PLG: variants seen among roughly 807,000 people sequenced by gnomAD.
PLG encodes the protein plasmin.
Under a neutral mutation model 104.4 loss-of-function variants are expected in PLG, and 41 were observed. The ratio of observed to expected loss-of-function variants is 0.39; its 90% confidence interval spans 0.31 to 0.51. PLG has a LOEUF of 0.51. PLG is among the 20% of genes least tolerant of loss of function. The pLI, the probability that PLG is intolerant of heterozygous loss-of-function variation, is 0.76. For missense variants in PLG, 891 were observed against 1,003.6 expected, an observed-to-expected ratio of 0.89 and a Z score of 1.52; for synonymous variants, 337 against 357.1, an observed-to-expected ratio of 0.94 and a Z score of 0.63.
chr6:160,736,913 C>A lies in PLG; in HGVS notation c.1708C>A (p.Pro570Thr). ...GGCCCCTTCATTTGATTGTGGGAAG[C>A]CTCAAGTGGAGCCGAAGAAATGTCC... Reference protein sequence around the residue: ...CAAPSFDCGKPQVEPKKCPGR... With the variant: ...CAAPSFDCGKTQVEPKKCPGR... Residue 570 changes from proline (P) to threonine (T), a missense_variant, in exon 14 of 19, where the codon CCT (proline) becomes ACT (threonine). Pro to Thr is a conservative substitution (Grantham distance 38). Transcript: ENST00000308192. This position sits in a 1 kb window ranked among gnomAD's most constrained non-coding sequence, Gnocchi z 5.2. The A allele has an allele frequency of 6.2e-7, 1 of 1,613,984 alleles. No homozygotes were observed. Among genetic ancestry groups the A allele is most frequent in the Non-Finnish European group, 8.5e-7 (1 of 1,179,928 alleles).
At chr6:160,708,699 T>A (rs1227151134) in intron 3 of PLG, 1 of 152,238 alleles carries the variant, frequency 6.6e-6, no homozygotes, top group Admixed American at 6.5e-5. Context: ...TTCTTGAGGA[T>A]GATTTGCCAT....
rs921571567 is a variant in PLG, at chr6:160,723,350, A to G, written c.1256+783A>G. On this transcript the variant is annotated intron_variant, in intron 10 of 18. Coordinates refer to ENST00000308192, the MANE Select transcript of PLG (RefSeq NM_000301.5). This position sits in a 1 kb window ranked among gnomAD's most constrained non-coding sequence, Gnocchi z 4.7. Reference sequence around the variant, plus strand: ...GTCTAACAAGGACAGCTTTTCTTCCATAAATGAGTACACAATATATGGAAA... The same window carrying G: ...GTCTAACAAGGACAGCTTTTCTTCCGTAAATGAGTACACAATATATGGAAA... 2.1e-4 allele frequency among the ~76,000 whole-genome samples: 32 copies of G among 152,306 alleles called. No homozygotes were observed. Among genetic ancestry groups the G allele is most frequent in the Admixed American group, 4.6e-4 (7 of 15,304 alleles).
chr6:160,752,161 T>C lies in PLG; in HGVS notation c.2172T>C (p.Ile724=). ...GLLKEAQLPV[I]ENKVCNRYEF... ...TCAAGGAAGCCCAGCTCCCTGTGAT[T>C]GAGAATAAAGTGTGCAATCGCTATG... Residue 724 remains isoleucine, a synonymous_variant, in exon 18 of 19, where the codon ATT becomes ATC. Coordinates refer to ENST00000308192, the MANE Select transcript of PLG (RefSeq NM_000301.5). The surrounding 1 kb of genome is among the most constrained non-coding windows in gnomAD (Gnocchi z 4.7). 4.3e-6 allele frequency: 7 copies of C among 1,610,642 alleles called. No homozygotes were observed. Among genetic ancestry groups the C allele is most frequent in the Non-Finnish European group, 5.9e-6 (7 of 1,176,812 alleles).
intron 1 of PLG, among the ~76,000 whole-genome samples, chr6:160,703,189 C>T (rs1209516246): frequency 1.3e-5 from 2 of 151,742 alleles, no homozygotes; most frequent in East Asian, 1.9e-4. Flanking sequence ...CAGAAGGAAT[C>T]TAGGGCTCTT....
At chr6:160,751,051 A>T (rs1312284604) in intron 17 of PLG, among the ~76,000 whole-genome samples, 1 of 152,242 alleles carries the variant, frequency 6.6e-6, no homozygotes, top group Non-Finnish European at 1.5e-5. Context: ...CTATTAGATT[A>T]GCTAATATTT....
chr6:160,752,756 C>T lies in PLG; in HGVS notation c.2272-144C>T. 1 of 1,005,718 alleles carries T rather than the reference C, an allele frequency of 9.9e-7. No homozygotes were observed. The highest frequency in any genetic ancestry group is 1.5e-6 in the Non-Finnish European group (1 of 646,144). The allele number at this position is 1,005,718 out of a possible 1,614,324, so 62.3% of individuals were successfully genotyped here. A position where few individuals can be genotyped will look rare whatever the true frequency, so the allele number is the denominator to read the frequency against. On this transcript the variant is annotated intron_variant, in intron 18 of 18. Coordinates refer to ENST00000308192, the MANE Select transcript of PLG (RefSeq NM_000301.5). This position sits in a 1 kb window ranked among gnomAD's most constrained non-coding sequence, Gnocchi z 4.7. ...GATTTTGCTAAGTACTTAAGCACTG[C>T]AGATGCTTGAGTAATATGCTCATAA...
rs965398098 is a variant in PLG, at chr6:160,741,527, C to A, written c.2125+110C>A. The A allele has an allele frequency of 1.4e-5, 11 of 773,706 alleles. No homozygotes were observed. Among genetic ancestry groups the A allele is most frequent in the Non-Finnish European group, 2.5e-5 (11 of 437,472 alleles). 47.9% of individuals were successfully genotyped at this position (773,706 alleles called of 1,614,324 possible). On this transcript the variant is annotated intron_variant, in intron 17 of 18. Coordinates refer to ENST00000308192, the MANE Select transcript of PLG (RefSeq NM_000301.5). The surrounding 1 kb of genome is among the most constrained non-coding windows in gnomAD (Gnocchi z 4.7). ...GCAAATTCCTATCCATGAATGTGGT[C>A]CACCCCACTCCTGATTTTGCCTGGG...
At chr6:160,716,846 G>A (rs748666134) in intron 7 of PLG, 83 bp downstream of exon 7, 28 of 857,044 alleles carry the variant, frequency 3.3e-5, no homozygotes, top group Non-Finnish European at 5.3e-5. Context: ...CAGTGCCTGA[G>A]TGCAGCCTCT....
chr6:160,738,945 C>T lies in PLG; in HGVS notation c.1878-123C>T. ...GCAAATCATGAATTTTGCTTCTTGC[C>T]ACTCAGAAGTCACTAATTCTGAGTG... On this transcript the variant is annotated intron_variant, in intron 15 of 18. Coordinates refer to ENST00000308192, the MANE Select transcript of PLG (RefSeq NM_000301.5). This position sits in a 1 kb window ranked among gnomAD's most constrained non-coding sequence, Gnocchi z 6.8. 2 of 1,147,522 alleles carry T rather than the reference C, an allele frequency of 1.7e-6. No individual in the cohort carries two copies. The highest frequency in any genetic ancestry group is 2.6e-6 in the Non-Finnish European group (2 of 762,596). 71.1% of individuals were successfully genotyped at this position (1,147,522 alleles called of 1,614,324 possible). A position where few individuals can be genotyped will look rare whatever the true frequency, so the allele number is the denominator to read the frequency against.
chr6:160,714,664 G>A (rs1166015056), intron 5 of PLG, 130 bp from the exon 6 acceptor site: 3 of 799,748 alleles, frequency 3.8e-6, no homozygotes, highest in Non-Finnish European at 6.2e-6. Context: ...CCAAGTGCCT[G>A]TTGTGAATTA....
intron 7 of PLG, 120 bp from the exon 8 acceptor site, chr6:160,718,173 AC>A: frequency 1.2e-6 from 1 of 825,444 alleles, no homozygotes; most frequent in Non-Finnish European, 2.1e-6. Flanking sequence ...AATGACTTGA[AC>A]CCAGGAGGCA....
At position 160,711,008 on chromosome 6, in the gene PLG, A is replaced by T. The variant is rs1346490140; in HGVS notation, c.293-69A>T. ...TGCATGAGATCTTTTTCTCAACGTG[A>T]CTATGCTGTGCAGACCTTCATGTGG... is the stretch of plus-strand genomic sequence containing the variant. On this transcript the variant is annotated intron_variant, in intron 3 of 18. Transcript: ENST00000308192. The T allele has an allele frequency of 7.4e-6, 11 of 1,482,632 alleles. No individual in the cohort carries two copies. The Admixed American group carries it at 1.0e-4, about 14-fold the overall frequency. 91.8% of individuals were successfully genotyped at this position (1,482,632 alleles called of 1,614,324 possible).
intron 17 of PLG, among the ~76,000 whole-genome samples, chr6:160,750,979 T>A (rs576368841): frequency 4.7e-5 from 7 of 150,160 alleles, no homozygotes; most frequent in Admixed American, 4.0e-4. Flanking sequence ...ACAACTAGAA[T>A]GTTCACTCTC....
At chr6:160,728,101 A>C (rs976201454) in intron 10 of PLG, among the ~76,000 whole-genome samples, 2 of 152,040 alleles carry the variant, frequency 1.3e-5, no homozygotes, top group African/African-American at 4.8e-5. Context: ...ATTGGAGAAC[A>C]CATAAGTATA....
chr6:160,714,826 G>T lies in PLG; in HGVS notation c.580G>T (p.Asp194Tyr), dbSNP rs1777703314. The change falls in exon 6 of 19, where the codon GAC (aspartate) becomes TAC (tyrosine). Residue 194 changes from aspartate to tyrosine, a missense_variant. Asp to Tyr is a radical substitution (Grantham distance 160, BLOSUM62 -3). Transcript: ENST00000308192. ...ECMHCSGENY[D>Y]GKISKTMSGL... ...TATGCATTGCAGTGGAGAAAACTAT[G>T]ACGGCAAAATTTCCAAGACCATGTC... 5 of 1,613,780 alleles carry T rather than the reference G, an allele frequency of 3.1e-6. No homozygotes were observed. The African/African-American group carries it at 5.3e-5, about 17-fold the overall frequency.
Position 160,718,246 on chromosome 6 carries a change from G to A in PLG, c.788-48G>A, listed in dbSNP as rs4252111. Reference sequence around the variant, plus strand: ...AGCCTGGGCGACAGAGCGAGACTCCGTCTCAAAAAATATATATATTCATTG... The same window carrying A: ...AGCCTGGGCGACAGAGCGAGACTCCATCTCAAAAAATATATATATTCATTG... On this transcript the variant is annotated intron_variant, in intron 7 of 18. Transcript: ENST00000308192. 3.8e-3 allele frequency: 5,849 copies of A among 1,541,426 alleles called. 204 individuals are homozygous for A. In the African/African-American group the frequency reaches 0.067, roughly 18 times the overall value.
Position 160,712,966 on chromosome 6 carries a change from T to C in PLG, c.408-20T>C. The C allele has an allele frequency of 6.2e-7, 1 of 1,603,404 alleles. No individual in the cohort carries two copies. Among genetic ancestry groups the C allele is most frequent in the South Asian group, 1.1e-5 (1 of 90,824 alleles). On this transcript the variant is annotated intron_variant, in intron 4 of 18. Transcript: ENST00000308192. ...GATTTTTAGAATATAGTCTAAGTGC[T>C]TCTTTTCCATCCTCCCCAGATTCTC...
chr6:160,704,334 G>A (rs897042432), intron 1 of PLG, among the ~76,000 whole-genome samples: 16 of 152,204 alleles, frequency 1.1e-4, no homozygotes, highest in African/African-American at 3.6e-4. Flanking sequence ...GCAGCGATGC[G>A]CTATGAAGCA....
intron 5 of PLG, among the ~76,000 whole-genome samples, chr6:160,714,327 C>T (rs745344278): frequency 2.6e-5 from 4 of 152,150 alleles, no homozygotes; most frequent in East Asian, 3.8e-4. Context: ...AGACTAAAAC[C>T]CTGAGACGGT....
Sources: gnomAD v4.1 joint callset for allele counts (sites outside exome capture counted in the v4.1 genomes callset) on GRCh38, gnomAD v4.1.1 for gene constraint, Gnocchi (gnomAD v3.1) non-coding constraint, MANE v1.5 for transcripts, NCBI Gene and HGNC (gene_info 2026-07-23, HGNC 2026-07-21) for gene names.